LRMDA: variants seen among roughly 807,000 people sequenced by gnomAD.
LRMDA encodes the protein leucine-rich melanocyte differentiation-associated protein.
A neutral mutation model predicts 29.8 loss-of-function variants in LRMDA; 18 were observed. The observed-to-expected ratio is 0.60, with a 90% confidence interval of 0.42 to 0.90. The LOEUF (loss-of-function observed/expected upper bound fraction) is 0.90, where lower values mean the gene tolerates loss of function less well. LRMDA is among the 40% of genes least tolerant of loss of function. The pLI is 0.00. For synonymous variants in LRMDA, 125 were observed against 109.4 expected (o/e 1.14, Z -0.89); for missense variants, 273 against 273.9 (o/e 1.00, Z 0.02).
intron 6 of LRMDA, among the ~76,000 whole-genome samples, chr10:76,510,370 C>T (rs1214019163): frequency 6.6e-6 from 1 of 152,140 alleles, no homozygotes; most frequent in East Asian, 1.9e-4. Context: ...CACCCCCAGC[C>T]GCCCTAATGT....
At position 76,210,407 on chromosome 10, in the gene LRMDA, T is replaced by A. The variant is rs530799191; in HGVS notation, c.517-113994T>A. ...TTTACCCACCCTGTTCACACTTCTTTTTTTCCTGCCTGGCAGTGTTTCTGA... is the reference window on the plus strand; with the variant it reads ...TTTACCCACCCTGTTCACACTTCTTATTTTCCTGCCTGGCAGTGTTTCTGA... On this transcript the variant is annotated intron_variant, in intron 5 of 6. Coordinates refer to ENST00000611255, the MANE Select transcript of LRMDA (RefSeq NM_001305581.2). 2.6e-5 allele frequency among the ~76,000 whole-genome samples: 4 copies of A among 152,322 alleles called. No homozygotes were observed. In the South Asian group the frequency reaches 8.3e-4, roughly 32 times the overall value.
intron 2 of LRMDA, among the ~76,000 whole-genome samples, chr10:75,556,951 A>G (rs141532486): frequency 0.029 from 4,392 of 152,172 alleles, 106 homozygotes; most frequent in Middle Eastern, 0.044. Context: ...AATTCTAAAA[A>G]AAAACTTCAA....
intron 2 of LRMDA, among the ~76,000 whole-genome samples, chr10:75,737,737 T>C (rs1047483892): frequency 1.3e-5 from 2 of 152,188 alleles, no homozygotes; most frequent in South Asian, 2.1e-4. Flanking sequence ...CTTGACATGA[T>C]GTATCATGTT....
intron 2 of LRMDA, among the ~76,000 whole-genome samples, chr10:75,720,754 C>T (rs1297309088): frequency 1.3e-5 from 2 of 152,188 alleles, no homozygotes; most frequent in African/African-American, 4.8e-5. Flanking sequence ...AGAGTTGGCT[C>T]TCAAGATGAA....
At chr10:75,696,719 T>C (rs988808588) in intron 2 of LRMDA, among the ~76,000 whole-genome samples, 1 of 152,194 alleles carries the variant, frequency 6.6e-6, no homozygotes, top group Non-Finnish European at 1.5e-5. Context: ...GTTCATAGCA[T>C]TGGAGAGGAG....
rs147481540 is a variant in LRMDA, at chr10:76,296,273, T to C, written c.517-28128T>C. Among the ~76,000 whole-genome samples, 329 of 152,340 alleles carry C rather than the reference T, an allele frequency of 2.2e-3. 2 individuals carry two copies. Among genetic ancestry groups the C allele is most frequent in the African/African-American group, 7.2e-3 (299 of 41,590 alleles). Reference sequence around the variant, plus strand: ...TCTAAACCCTAATAACCCCTTGTCATCTCTGTTATGAGGCCAAGGTTGCAC... The same window carrying C: ...TCTAAACCCTAATAACCCCTTGTCACCTCTGTTATGAGGCCAAGGTTGCAC... On this transcript the variant is annotated intron_variant, in intron 5 of 6. Transcript: ENST00000611255.
intron 2 of LRMDA, among the ~76,000 whole-genome samples, chr10:75,601,641 T>C (rs1028058712): frequency 1.3e-5 from 2 of 152,210 alleles, no homozygotes; most frequent in African/African-American, 4.8e-5. Flanking sequence ...TGCTTTCCAT[T>C]GGTAATTTGG....
chr10:76,060,526 A>G (rs1330231791), intron 5 of LRMDA, among the ~76,000 whole-genome samples: 1 of 152,184 alleles, frequency 6.6e-6, no homozygotes, highest in Non-Finnish European at 1.5e-5. Flanking sequence ...TCACCTGGCT[A>G]GTAATTGTGG....
chr10:76,067,191 T>G (rs1490205317), intron 5 of LRMDA, among the ~76,000 whole-genome samples: 2 of 152,222 alleles, frequency 1.3e-5, no homozygotes, highest in Non-Finnish European at 2.9e-5. Context: ...TGACATGTTC[T>G]TACCTCAAAG....
intron 2 of LRMDA, among the ~76,000 whole-genome samples, chr10:75,955,362 C>T (rs1202547577): frequency 6.6e-6 from 1 of 152,186 alleles, no homozygotes; most frequent in East Asian, 1.9e-4. Context: ...CACTCTCTGC[C>T]ACCTGAGATG....
chr10:75,948,370 T>C (rs1846513470), intron 2 of LRMDA, among the ~76,000 whole-genome samples: 1 of 152,210 alleles, frequency 6.6e-6, no homozygotes, highest in African/African-American at 2.4e-5. Context: ...AAATGAATGT[T>C]ATTGTTAAGT....
chr10:75,520,475 T>C (rs1471947158), intron 2 of LRMDA, among the ~76,000 whole-genome samples: 1 of 152,244 alleles, frequency 6.6e-6, no homozygotes, highest in Non-Finnish European at 1.5e-5. Flanking sequence ...GAATCAGCTA[T>C]TGAAGCTTGT....
intron 5 of LRMDA, among the ~76,000 whole-genome samples, chr10:76,299,729 T>A (rs1840457289): frequency 6.6e-6 from 1 of 152,064 alleles, no homozygotes; most frequent in Non-Finnish European, 1.5e-5. Flanking sequence ...TGGAGGAATC[T>A]TCGCAATCTG....
At chr10:75,689,023 T>C (rs1036971640) in intron 2 of LRMDA, among the ~76,000 whole-genome samples, 3 of 150,836 alleles carry the variant, frequency 2.0e-5, no homozygotes, top group Non-Finnish European at 4.4e-5. Context: ...TTTATATGTA[T>C]GGGGAAACAA....
At chr10:76,360,338 C>T (rs1564519752) in intron 6 of LRMDA, among the ~76,000 whole-genome samples, 1 of 152,048 alleles carries the variant, frequency 6.6e-6, no homozygotes, top group Non-Finnish European at 1.5e-5. Context: ...TATGACAGCC[C>T]TATGAATGGG....
intron 2 of LRMDA, among the ~76,000 whole-genome samples, chr10:75,909,161 C>T (rs1956888210): frequency 1.3e-5 from 2 of 152,070 alleles, no homozygotes; most frequent in Non-Finnish European, 2.9e-5. Flanking sequence ...GGGAGCTATA[C>T]AAGTGAAAAT....
chr10:76,548,018 C>T (rs2132392409), intron 6 of LRMDA, among the ~76,000 whole-genome samples: 1 of 152,252 alleles, frequency 6.6e-6, no homozygotes, highest in African/African-American at 2.4e-5. Flanking sequence ...TTGATGTTCT[C>T]CGGAGACCCC....
intron 2 of LRMDA, among the ~76,000 whole-genome samples, chr10:75,658,955 G>A (rs1841713764): frequency 6.6e-6 from 1 of 152,182 alleles, no homozygotes; most frequent in East Asian, 1.9e-4. Flanking sequence ...GCTCAGGTTT[G>A]GAGCCCAATC....
intron 2 of LRMDA, among the ~76,000 whole-genome samples, chr10:75,794,830 A>G (rs1185080758): frequency 2.6e-5 from 4 of 152,008 alleles, no homozygotes; most frequent in Admixed American, 1.3e-4. Context: ...TCTACATCCT[A>G]TGTCTATATT....
Sources: gnomAD v4.1 joint callset for allele counts (sites outside exome capture counted in the v4.1 genomes callset) on GRCh38, gnomAD v4.1.1 for gene constraint, MANE v1.5 for transcripts, NCBI Gene and HGNC (gene_info 2026-07-23, HGNC 2026-07-21) for gene names.